Variants in CDK17 observed in about 807,000 individuals in gnomAD.
The protein encoded by CDK17 is cyclin-dependent kinase 17.
Under a neutral mutation model 77.6 loss-of-function variants are expected in CDK17, and 24 were observed. That is an observed-to-expected ratio of 0.31 (90% CI 0.22 to 0.44). The LOEUF is 0.44. Among genes scored for constraint, CDK17 ranks in the 20% least tolerant of loss-of-function variants. The pLI is 1.00. For missense variants in CDK17, 429 were observed against 622.5 expected (o/e 0.69, Z 3.31); for synonymous variants, 203 against 210.4 (o/e 0.96, Z 0.30).
chr12:96,366,004 T>C (rs931058078), intron 1 of CDK17, among the ~76,000 whole-genome samples: 3 of 152,222 alleles, frequency 2.0e-5, no homozygotes, highest in African/African-American at 2.4e-5. Context: ...TCTCTCTCCT[T>C]TGGCAGAATC....
At chr12:96,359,111 G>A (rs767035245) in intron 1 of CDK17, among the ~76,000 whole-genome samples, 3 of 150,764 alleles carry the variant, frequency 2.0e-5, no homozygotes, top group Non-Finnish European at 4.4e-5. Flanking sequence ...TTCATTTCTT[G>A]GCCCACCAAC....
At chr12:96,393,978 T>A (rs1405261782) in intron 1 of CDK17, among the ~76,000 whole-genome samples, 1 of 152,166 alleles carries the variant, frequency 6.6e-6, no homozygotes, top group Non-Finnish European at 1.5e-5. Context: ...CCAGGTGCAG[T>A]GGCTCACACC....
At chr12:96,294,768 G>T (rs1222965741) in intron 10 of CDK17, among the ~76,000 whole-genome samples, 1 of 151,906 alleles carries the variant, frequency 6.6e-6, no homozygotes, top group African/African-American at 2.4e-5. Flanking sequence ...GGTCTCAGGA[G>T]CCCTAGGGGT....
intron 1 of CDK17, among the ~76,000 whole-genome samples, chr12:96,374,259 T>C (rs1953743272): frequency 6.6e-6 from 1 of 152,234 alleles, no homozygotes; most frequent in Non-Finnish European, 1.5e-5. Flanking sequence ...ATTTTCCCAC[T>C]AGGCAATTCT....
intron 2 of CDK17, among the ~76,000 whole-genome samples, chr12:96,329,615 T>C (rs181434692): frequency 6.6e-6 from 1 of 152,110 alleles, no homozygotes; most frequent in African/African-American, 2.4e-5. Flanking sequence ...TCCAATGGAG[T>C]TTATGCCTTC....
chr12:96,315,547 C>CATT (rs1450652202), intron 3 of CDK17, among the ~76,000 whole-genome samples: 2 of 152,198 alleles, frequency 1.3e-5, no homozygotes, highest in Admixed American at 1.3e-4. Flanking sequence ...GTCCTGTATT[C>CATT]ATTTCTGTCA....
Position 96,341,314 on chromosome 12 carries a change from T to TACACACACAC in CDK17, c.-29-6450_-29-6449insGTGTGTGTGT, listed in dbSNP as rs1419704777. On this transcript the variant is annotated intron_variant, in intron 1 of 16. Transcript: ENST00000261211. ...GTTTTTACTCATAGCACTTATCATA[T>TACACACACAC]ACATACACACACACACACACACACA... 6.0e-5 allele frequency among the ~76,000 whole-genome samples: 4 copies of TACACACACAC among 66,360 alleles called. 1 individual carries two copies. The South Asian group carries it at 2.1e-3, about 36-fold the overall frequency. The allele number at this position is 66,360 out of a possible 152,430, so 43.5% of individuals were successfully genotyped here. A position where few individuals can be genotyped will look rare whatever the true frequency, so the allele number is the denominator to read the frequency against.
At chr12:96,325,340 A>G (rs559925714) in intron 2 of CDK17, among the ~76,000 whole-genome samples, 2 of 152,360 alleles carry the variant, frequency 1.3e-5, no homozygotes, top group South Asian at 4.1e-4. Flanking sequence ...GCAGTTAACA[A>G]TCAGGCATAA....
chr12:96,308,871 T>C (rs1952612364), intron 5 of CDK17, among the ~76,000 whole-genome samples: 1 of 151,970 alleles, frequency 6.6e-6, no homozygotes, highest in Non-Finnish European at 1.5e-5. Context: ...ATTTTATCCC[T>C]TCCTGGTCCC....
chr12:96,320,374 C>T (rs1192947125), intron 3 of CDK17, among the ~76,000 whole-genome samples: 3 of 147,132 alleles, frequency 2.0e-5, no homozygotes, highest in Non-Finnish European at 4.5e-5. Context: ...TGAAAATGGC[C>T]ATACTGCCCA....
intron 1 of CDK17, among the ~76,000 whole-genome samples, chr12:96,393,951 T>C (rs1954119828): frequency 6.6e-6 from 1 of 151,940 alleles, no homozygotes; most frequent in Non-Finnish European, 1.5e-5. Flanking sequence ...TACTTGATAG[T>C]TTCTCACAAG....
Position 96,380,673 on chromosome 12 carries a change from T to G in CDK17, c.-30+19313A>C, listed in dbSNP as rs1229164692. On this transcript the variant is annotated intron_variant, in intron 1 of 16. Coordinates refer to ENST00000261211, the MANE Select transcript of CDK17 (RefSeq NM_002595.5). ...CATCACAAAAGGTTGTCCATTTAACTTGCAGAAGTTCATCTGTAATTGTAC... is the reference window on the plus strand; with the variant it reads ...CATCACAAAAGGTTGTCCATTTAACGTGCAGAAGTTCATCTGTAATTGTAC... Among the ~76,000 whole-genome samples the G allele has an allele frequency of 2.0e-5, 3 of 152,314 alleles. No individual in the cohort carries two copies. In the East Asian group the frequency reaches 5.8e-4, roughly 29 times the overall value.
At chr12:96,398,822 TTG>T (rs1954212357) in intron 1 of CDK17, among the ~76,000 whole-genome samples, 1 of 152,188 alleles carries the variant, frequency 6.6e-6, no homozygotes, top group South Asian at 2.1e-4. Context: ...TGATGTCAAT[TTG>T]ACGAAGAGGT....
At chr12:96,281,106 T>G (rs546059087) in intron 15 of CDK17, among the ~76,000 whole-genome samples, 33 of 152,314 alleles carry the variant, frequency 2.2e-4, no homozygotes, top group Non-Finnish European at 4.3e-4. Flanking sequence ...TCCAACTCTG[T>G]GTCAGAGCAG....
chr12:96,380,883 A>T (rs1953867934), intron 1 of CDK17, among the ~76,000 whole-genome samples: 1 of 152,216 alleles, frequency 6.6e-6, no homozygotes, highest in African/African-American at 2.4e-5. Flanking sequence ...TAACATTTTT[A>T]AAGGAATATA....
intron 1 of CDK17, among the ~76,000 whole-genome samples, chr12:96,364,683 C>G (rs146919674): frequency 6.6e-6 from 1 of 152,124 alleles, no homozygotes; most frequent in African/African-American, 2.4e-5. Flanking sequence ...TCAAGAAATA[C>G]GGCACATACT....
chr12:96,344,254 A>G (rs185595291), intron 1 of CDK17, among the ~76,000 whole-genome samples: 2 of 152,312 alleles, frequency 1.3e-5, no homozygotes, highest in African/African-American at 4.8e-5. Flanking sequence ...AGGAGCCCCC[A>G]AAGATAAAAG....
At chr12:96,381,010 TCTACTTAATACC>T in intron 1 of CDK17, among the ~76,000 whole-genome samples, 1 of 152,334 alleles carries the variant, frequency 6.6e-6, no homozygotes, top group Middle Eastern at 3.4e-3. Flanking sequence ...ATCTGAGACA[TCTACTTAATACC>T]CTCAGCTAAA....
chr12:96,313,494 TTCTA>T, intron 3 of CDK17, 40 bp from the exon 4 acceptor site: 14 of 1,133,252 alleles, frequency 1.2e-5, no homozygotes, highest in Middle Eastern at 2.4e-4. Context: ...ATACATTATA[TTCTA>T]ATATATAATT....
Sources: allele counts gnomAD v4.1 joint callset (sites outside exome capture counted in the v4.1 genomes callset), GRCh38; gene constraint gnomAD v4.1.1; transcripts MANE v1.5; gene names NCBI Gene and HGNC (gene_info 2026-07-23, HGNC 2026-07-21).